The following DRC4 variants were observed in gnomAD, a reference collection of about 807,000 sequenced individuals.
DRC4 encodes the protein GAS-11.
At chr16:90,022,653 G>GAA in the DRC4 span, 2 of 1,406,440 alleles carry the variant, frequency 1.4e-6, no homozygotes, top group Non-Finnish European at 1.9e-6. Flanking sequence ...CGGTTGCCGG[G>GAA]AAACGGCGTG....
At chr16:90,043,788 G>C in the DRC4 span, 9 of 470,808 alleles carry the variant, frequency 1.9e-5, no homozygotes, top group Non-Finnish European at 8.8e-6. Context: ...CCAGGGGGCC[G>C]GGACTTCCCT....
At chr16:90,043,615 C>A in the DRC4 span, 1 of 606,976 alleles carries the variant, frequency 1.6e-6, no homozygotes, top group Non-Finnish European at 3.1e-6. Flanking sequence ...CGACCACAGT[C>A]GGCGGCACCT....
the DRC4 span, chr16:90,037,967 G>T: frequency 2.3e-6 from 2 of 871,288 alleles, no homozygotes; most frequent in Admixed American, 1.9e-5. Flanking sequence ...ACCCCTGCTA[G>T]CCAGGGACGG....
chr16:90,037,884 G>A, the DRC4 span: 2 of 1,577,230 alleles, frequency 1.3e-6, no homozygotes. Flanking sequence ...AGTTGGCGGT[G>A]GGTGTTAGAG....
the DRC4 span, chr16:90,035,903 C>A: frequency 2.8e-6 from 4 of 1,451,772 alleles, no homozygotes; most frequent in Admixed American, 7.7e-5. Flanking sequence ...GCTGTGATTA[C>A]CACACACATT....
At chr16:90,039,879 A>G in the DRC4 span, 1 of 260,354 alleles carries the variant, frequency 3.8e-6, no homozygotes, top group Non-Finnish European at 7.7e-6. Flanking sequence ...GGGGCTGGCC[A>G]AGGGAGCATA....
chr16:90,030,321 A>G, the DRC4 span, among the ~76,000 whole-genome samples: 2 of 151,804 alleles, frequency 1.3e-5, no homozygotes, highest in South Asian at 4.2e-4. Flanking sequence ...ATATACTCTA[A>G]TTTTTCAACC....
At chr16:90,041,032 C>T in the DRC4 span, among the ~76,000 whole-genome samples, 4 of 152,100 alleles carry the variant, frequency 2.6e-5, no homozygotes, top group Non-Finnish European at 5.9e-5. Flanking sequence ...CAGCACTGGG[C>T]CCAGTGAGCA....
At chr16:90,042,559 T>G in the DRC4 span, 1 of 1,600,384 alleles carries the variant, frequency 6.2e-7, no homozygotes, top group Non-Finnish European at 8.6e-7. Context: ...CTGCCCTCCC[T>G]CAGGGGCACC....
chr16:90,024,285 T>TG, the DRC4 span, among the ~76,000 whole-genome samples: 2 of 152,062 alleles, frequency 1.3e-5, no homozygotes. Context: ...GAGAGACCGA[T>TG]GGGGTTCAGG....
chr16:90,031,283 CACTG>C, the DRC4 span: 1 of 1,611,042 alleles, frequency 6.2e-7, no homozygotes, highest in Non-Finnish European at 8.5e-7. Flanking sequence ...TCACCTGACC[CACTG>C]CACCTGGCCA....
the DRC4 span, chr16:90,037,835 A>T: frequency 1.2e-6 from 2 of 1,614,060 alleles, no homozygotes; most frequent in South Asian, 2.2e-5. Flanking sequence ...GTGTTAGAGC[A>T]GCGATTCACC....
chr16:90,039,158 C>G, the DRC4 span, among the ~76,000 whole-genome samples: 1 of 152,168 alleles, frequency 6.6e-6, no homozygotes, highest in African/African-American at 2.4e-5. Context: ...CTGTGTTAGA[C>G]AAGGGGCCCT....
chr16:90,022,986 C>G, the DRC4 span, among the ~76,000 whole-genome samples: 1 of 152,090 alleles, frequency 6.6e-6, no homozygotes, highest in Non-Finnish European at 1.5e-5. Flanking sequence ...ACGCCCAGGG[C>G]CCGGGGTCGG....
the DRC4 span, chr16:90,033,027 TC>T: frequency 2.7e-6 from 3 of 1,105,622 alleles, no homozygotes; most frequent in Non-Finnish European, 3.9e-6. Context: ...AATTCATATT[TC>T]TGCATAAGAC....
chr16:90,037,135 G>T, the DRC4 span: 1 of 1,279,196 alleles, frequency 7.8e-7, no homozygotes, highest in Non-Finnish European at 1.1e-6. Flanking sequence ...GCAGCAGCTG[G>T]TGATGGGCAG....
the DRC4 span, among the ~76,000 whole-genome samples, chr16:90,021,806 C>G: frequency 5.7e-5 from 8 of 140,376 alleles, no homozygotes; most frequent in African/African-American, 2.1e-4. Flanking sequence ...GAGGTCGAGG[C>G]TGCAGTGAGT....
At chr16:90,030,785 G>C in the DRC4 span, among the ~76,000 whole-genome samples, 32 of 152,034 alleles carry the variant, frequency 2.1e-4, no homozygotes, top group African/African-American at 7.7e-4. Flanking sequence ...CCTAGTTAAT[G>C]AAAAAAAGTT....
the DRC4 span, among the ~76,000 whole-genome samples, chr16:90,022,879 G>C: frequency 6.6e-6 from 1 of 152,156 alleles, no homozygotes; most frequent in South Asian, 2.1e-4. Context: ...GGTCTCCGTG[G>C]GGCAAACTCA....
Sources: gnomAD v4.1 joint callset for allele counts (sites outside exome capture counted in the v4.1 genomes callset) on GRCh38, gnomAD v4.1.1 for gene constraint, MANE v1.5 for transcripts, NCBI Gene and HGNC (gene_info 2026-07-23, HGNC 2026-07-21) for gene names.